The following SLC24A2 variants were observed in gnomAD, a reference collection of about 807,000 sequenced individuals.
SLC24A2 encodes solute carrier family 24 member 2.
Under a neutral mutation model 62.0 loss-of-function variants are expected in SLC24A2, and 36 were observed. The ratio of observed to expected loss-of-function variants is 0.58; its 90% confidence interval spans 0.44 to 0.77. The LOEUF is 0.77. Ranked by LOEUF, SLC24A2 falls within the 30% of genes least tolerant of loss-of-function variation. The probability of loss-of-function intolerance (pLI) is 0.00; values close to 1 mark genes in which losing one functional copy is unlikely to be tolerated. For synonymous variants in SLC24A2, 358 were observed against 294.0 expected (o/e 1.22, Z -2.23); for missense variants, 846 against 817.9 (o/e 1.03, Z -0.42).
chr9:19,762,305 T>A (rs368871505), intron 2 of SLC24A2, among the ~76,000 whole-genome samples: 8 of 152,218 alleles, frequency 5.3e-5, no homozygotes, highest in Admixed American at 6.5e-5. Flanking sequence ...AGAAGCTCTT[T>A]AGGTTAATTA....
chr9:20,085,743 A>C, the SLC24A2 span, among the ~76,000 whole-genome samples: 6 of 152,244 alleles, frequency 3.9e-5, no homozygotes, highest in Non-Finnish European at 7.3e-5. Flanking sequence ...TTAAATATTC[A>C]GTATGAGCCC....
intron 2 of SLC24A2, among the ~76,000 whole-genome samples, chr9:19,649,642 C>T (rs1421015259): frequency 1.3e-5 from 2 of 152,184 alleles, no homozygotes; most frequent in Admixed American, 1.3e-4. Context: ...GTCACCAGTA[C>T]TAGCATGTTC....
the SLC24A2 span, among the ~76,000 whole-genome samples, chr9:19,974,578 G>A: frequency 6.6e-6 from 1 of 152,144 alleles, no homozygotes; most frequent in African/African-American, 2.4e-5. Context: ...TAGGGGGTCT[G>A]AAGACCAAAG....
chr9:20,030,286 G>C, the SLC24A2 span, among the ~76,000 whole-genome samples: 3 of 152,292 alleles, frequency 2.0e-5, no homozygotes, highest in African/African-American at 4.8e-5. Context: ...AACCTTGAAG[G>C]GTTTCAGGAG....
chr9:20,268,356 G>A, the SLC24A2 span, among the ~76,000 whole-genome samples: 1 of 152,166 alleles, frequency 6.6e-6, no homozygotes, highest in Non-Finnish European at 1.5e-5. Flanking sequence ...TCCCAACATG[G>A]CAGTATTGGG....
chr9:19,553,644 G>A (rs1038211196), intron 7 of SLC24A2, among the ~76,000 whole-genome samples: 1 of 152,206 alleles, frequency 6.6e-6, no homozygotes, highest in African/African-American at 2.4e-5. Flanking sequence ...AGGTGGTAGA[G>A]AATCAGGAAT....
chr9:20,115,811 C>G, the SLC24A2 span, among the ~76,000 whole-genome samples: 2 of 152,106 alleles, frequency 1.3e-5, no homozygotes, highest in Non-Finnish European at 2.9e-5. Flanking sequence ...TGAATTTCTC[C>G]CATCTTCTTC....
chr9:19,733,693 G>A (rs986526717), intron 2 of SLC24A2, among the ~76,000 whole-genome samples: 1 of 152,196 alleles, frequency 6.6e-6, no homozygotes, highest in Admixed American at 6.5e-5. Flanking sequence ...CTTGTGGTTT[G>A]CAGAAGTTCT....
chr9:19,979,252 G>A, the SLC24A2 span, among the ~76,000 whole-genome samples: 1 of 152,164 alleles, frequency 6.6e-6, no homozygotes, highest in Non-Finnish European at 1.5e-5. Flanking sequence ...AAAAATGCAG[G>A]TTCTGGTTCA....
intron 2 of SLC24A2, 92 bp from the exon 3 acceptor site, chr9:19,622,391 A>G (rs962145184): frequency 9.5e-6 from 12 of 1,260,912 alleles, no homozygotes; most frequent in Non-Finnish European, 1.4e-5. Context: ...AAGCATCAGT[A>G]TAGGGGAAGA....
intron 5 of SLC24A2, among the ~76,000 whole-genome samples, chr9:19,595,882 G>A (rs1004749029): frequency 6.6e-6 from 1 of 152,110 alleles, no homozygotes; most frequent in Non-Finnish European, 1.5e-5. Context: ...ACTGGGACAG[G>A]AGCCTTCCTT....
intron 7 of SLC24A2, among the ~76,000 whole-genome samples, chr9:19,567,419 G>A (rs1473514310): frequency 2.6e-5 from 4 of 151,222 alleles, no homozygotes; most frequent in Non-Finnish European, 4.4e-5. Context: ...GGTGGCGGGC[G>A]CCTGTAGTCC....
At chr9:20,033,723 A>T in the SLC24A2 span, among the ~76,000 whole-genome samples, 1 of 152,192 alleles carries the variant, frequency 6.6e-6, no homozygotes, top group Non-Finnish European at 1.5e-5. Flanking sequence ...AAGTTACCCT[A>T]TGTGGTCTAA....
chr9:19,839,221 C>T, the SLC24A2 span, among the ~76,000 whole-genome samples: 1 of 152,108 alleles, frequency 6.6e-6, no homozygotes, highest in South Asian at 2.1e-4. Flanking sequence ...GAATGGCGAT[C>T]ATTAAAAAGT....
chr9:19,802,354 G>A, the SLC24A2 span, among the ~76,000 whole-genome samples: 1 of 152,152 alleles, frequency 6.6e-6, no homozygotes, highest in Non-Finnish European at 1.5e-5. Flanking sequence ...TAAATCTTGT[G>A]TAAGTGTATA....
At chr9:19,858,706 A>G in the SLC24A2 span, among the ~76,000 whole-genome samples, 3 of 152,162 alleles carry the variant, frequency 2.0e-5, no homozygotes, top group Non-Finnish European at 4.4e-5. Flanking sequence ...TGAACAGATA[A>G]TTTTCAAAGA....
At chr9:19,565,613 A>C (rs1021123238) in intron 7 of SLC24A2, among the ~76,000 whole-genome samples, 2 of 152,158 alleles carry the variant, frequency 1.3e-5, no homozygotes, top group Non-Finnish European at 2.9e-5. Flanking sequence ...GAATTGGAAA[A>C]AACTAAAGTT....
chr9:19,819,171 C>T, the SLC24A2 span, among the ~76,000 whole-genome samples: 1 of 152,054 alleles, frequency 6.6e-6, no homozygotes, highest in Non-Finnish European at 1.5e-5. Flanking sequence ...ACTAGATCCT[C>T]ATCTCTCACC....
At chr9:19,781,993 G>T (rs1823032534) in intron 2 of SLC24A2, among the ~76,000 whole-genome samples, 1 of 152,184 alleles carries the variant, frequency 6.6e-6, no homozygotes, top group South Asian at 2.1e-4. Flanking sequence ...CAGCTTTTCA[G>T]AAACACACAA....
Sources: gnomAD v4.1 joint callset for allele counts (sites outside exome capture counted in the v4.1 genomes callset) on GRCh38, gnomAD v4.1.1 for gene constraint, MANE v1.5 for transcripts, NCBI Gene and HGNC (gene_info 2026-07-23, HGNC 2026-07-21) for gene names.